PHLPP1: variants seen among roughly 807,000 people sequenced by gnomAD.
PHLPP1 encodes PH domain leucine-rich repeat-containing protein phosphatase 1.
Under a neutral mutation model 117.2 loss-of-function variants are expected in PHLPP1, and 42 were observed. That is an observed-to-expected ratio of 0.36 (90% CI 0.28 to 0.46). The LOEUF (loss-of-function observed/expected upper bound fraction) is 0.46. Among genes scored for constraint, PHLPP1 ranks in the 20% least tolerant of loss-of-function variants. The probability of loss-of-function intolerance (pLI) is 1.00; values close to 1 mark genes in which losing one functional copy is unlikely to be tolerated. For synonymous variants in PHLPP1, 1,042 were observed against 970.7 expected (o/e 1.07, Z -1.37); for missense variants, 2,084 against 2,241.9 (o/e 0.93, Z 1.42).
chr18:62,791,290 G>GAGCAGA (rs1913449537), intron 1 of PHLPP1, among the ~76,000 whole-genome samples: 1 of 152,120 alleles, frequency 6.6e-6, no homozygotes, highest in Non-Finnish European at 1.5e-5. Context: ...TGGAGGGTGG[G>GAGCAGA]AGCAGAAGCA....
chr18:62,735,590 AC>A, intron 1 of PHLPP1, among the ~76,000 whole-genome samples: 2 of 152,220 alleles, frequency 1.3e-5, no homozygotes, highest in South Asian at 4.2e-4. Flanking sequence ...AACAACAACA[AC>A]AACAACAACA....
intron 3 of PHLPP1, 190 bp downstream of exon 3, chr18:62,839,099 G>T (rs1184494109): frequency 1.8e-6 from 1 of 569,268 alleles, no homozygotes; most frequent in Non-Finnish European, 3.1e-6. Flanking sequence ...TTTAAAAATT[G>T]TTTTTTACTT....
intron 8 of PHLPP1, among the ~76,000 whole-genome samples, chr18:62,906,072 G>C (rs1916840988): frequency 1.3e-5 from 2 of 152,170 alleles, no homozygotes; most frequent in Non-Finnish European, 2.9e-5. Context: ...CCCACTCAAG[G>C]TGACAACTGT....
chr18:62,808,041 C>A (rs562136860), intron 1 of PHLPP1, among the ~76,000 whole-genome samples: 1 of 152,198 alleles, frequency 6.6e-6, no homozygotes, highest in Non-Finnish European at 1.5e-5. Flanking sequence ...TGTGTGTGGT[C>A]TGTCTTGACC....
chr18:62,829,756 AAAAAG>A (rs1247860954), intron 1 of PHLPP1, among the ~76,000 whole-genome samples: 5 of 152,210 alleles, frequency 3.3e-5, no homozygotes, highest in African/African-American at 1.2e-4. Context: ...CATCTCAAAA[AAAAAG>A]AAAAGAAACC....
chr18:62,941,422 C>T (rs1351908454), intron 10 of PHLPP1, among the ~76,000 whole-genome samples: 2 of 152,204 alleles, frequency 1.3e-5, no homozygotes, highest in Non-Finnish European at 2.9e-5. Context: ...TTTACCATAT[C>T]ACTTTCTCTT....
chr18:62,863,668 T>A (rs763425757), intron 4 of PHLPP1, among the ~76,000 whole-genome samples: 1 of 152,242 alleles, frequency 6.6e-6, no homozygotes, highest in Non-Finnish European at 1.5e-5. Flanking sequence ...CTCATGGTGC[T>A]GGTGGGAGTG....
intron 14 of PHLPP1, among the ~76,000 whole-genome samples, chr18:62,971,273 T>G (rs1911041379): frequency 6.6e-6 from 1 of 152,200 alleles, no homozygotes; most frequent in African/African-American, 2.4e-5. Context: ...TCAAAAGTGT[T>G]ATCTGTCTCT....
intron 1 of PHLPP1, among the ~76,000 whole-genome samples, chr18:62,724,568 C>G (rs556196649): frequency 6.6e-6 from 1 of 152,266 alleles, no homozygotes; most frequent in South Asian, 2.1e-4. Flanking sequence ...GGACCACCAC[C>G]TAGGATTTTG....
intron 4 of PHLPP1, among the ~76,000 whole-genome samples, chr18:62,864,925 A>G (rs1384891214): frequency 1.3e-5 from 2 of 152,194 alleles, no homozygotes; most frequent in African/African-American, 4.8e-5. Context: ...CTTTAAACAT[A>G]ATTTTTCTGT....
At chr18:62,897,179 G>A (rs910535928) in intron 6 of PHLPP1, among the ~76,000 whole-genome samples, 5 of 152,206 alleles carry the variant, frequency 3.3e-5, no homozygotes, top group African/African-American at 1.2e-4. Context: ...GTAAGAATGA[G>A]ATGATTTCTG....
chr18:62,763,544 T>G (rs889269519), intron 1 of PHLPP1, among the ~76,000 whole-genome samples: 1 of 152,132 alleles, frequency 6.6e-6, no homozygotes, highest in African/African-American at 2.4e-5. Context: ...ATCGCACCCT[T>G]GTTTTGGGAT....
In PHLPP1 at chr18:62,945,228, G is replaced by A. The variant is rs1037630827; in HGVS notation, c.3281G>A (p.Cys1094Tyr). 2 of 1,609,676 alleles carry A rather than the reference G, an allele frequency of 1.2e-6. No individual in the cohort carries two copies. The highest frequency in any genetic ancestry group is 2.2e-5 in the East Asian group (1 of 44,600). ...RMHTVIAHSNCIEVFPEVMQL... is the reference protein window; with the variant it reads ...RMHTVIAHSNYIEVFPEVMQL... The stretch of plus-strand genomic sequence containing the variant: ...CACACCGTGATTGCTCACTCCAACT[G>A]CATCGAGGTCTTTCCCGAAGTTATG... The change falls in exon 12 of 17, where the codon TGC becomes TAC. Residue 1094 changes from cysteine to tyrosine, a missense_variant. Coordinates refer to ENST00000262719, the MANE Select transcript of PHLPP1 (RefSeq NM_194449.4).
intron 1 of PHLPP1, among the ~76,000 whole-genome samples, chr18:62,797,817 G>C (rs1913669411): frequency 6.6e-6 from 1 of 152,138 alleles, no homozygotes; most frequent in Admixed American, 6.5e-5. Flanking sequence ...GCCGGGGAGA[G>C]AGGTTGATTA....
chr18:62,948,240 A>G (rs1910356670), intron 12 of PHLPP1, among the ~76,000 whole-genome samples: 1 of 151,754 alleles, frequency 6.6e-6, no homozygotes, highest in Admixed American at 6.6e-5. Flanking sequence ...CAGGAGAATC[A>G]CTTGAACCCG....
At chr18:62,777,088 T>C (rs1415393576) in intron 1 of PHLPP1, among the ~76,000 whole-genome samples, 1 of 152,248 alleles carries the variant, frequency 6.6e-6, no homozygotes, top group Non-Finnish European at 1.5e-5. Flanking sequence ...AGCAACCCAA[T>C]GGTAGATGTT....
chr18:62,841,153 G>T (rs1454466081), intron 3 of PHLPP1, among the ~76,000 whole-genome samples: 1 of 152,218 alleles, frequency 6.6e-6, no homozygotes, highest in East Asian at 1.9e-4. Context: ...CTTTCAAAGT[G>T]CTGGGACTAT....
intron 1 of PHLPP1, among the ~76,000 whole-genome samples, chr18:62,788,097 C>T (rs1913349554): frequency 6.6e-6 from 1 of 152,166 alleles, no homozygotes; most frequent in South Asian, 2.1e-4. Context: ...AGACGTTATG[C>T]CAATAGCATT....
chr18:62,768,347 C>T (rs756573783), intron 1 of PHLPP1, among the ~76,000 whole-genome samples: 42 of 152,046 alleles, frequency 2.8e-4, no homozygotes, highest in Non-Finnish European at 5.4e-4. Flanking sequence ...GATCCAAAAA[C>T]GGAACCAGAC....
Sources: allele counts gnomAD v4.1 joint callset (sites outside exome capture counted in the v4.1 genomes callset), GRCh38; gene constraint gnomAD v4.1.1; transcripts MANE v1.5; gene names NCBI Gene and HGNC (gene_info 2026-07-23, HGNC 2026-07-21).